The following TAOK1 variants were observed in gnomAD, a reference collection of about 807,000 sequenced individuals.
The protein encoded by TAOK1 is TAO kinase 1, also known as serine/threonine-protein kinase TAO1.
A neutral mutation model predicts 138.3 loss-of-function variants in TAOK1; 21 were observed. The observed-to-expected ratio is 0.15, with a 90% CI of 0.11 to 0.22. TAOK1 has a LOEUF of 0.22. TAOK1 is among the 10% of genes least tolerant of loss of function. The pLI is 1.00. For missense variants in TAOK1, 651 were observed against 1,227.7 expected (o/e 0.53, Z 7.02); for synonymous variants, 361 against 398.4 (o/e 0.91, Z 1.12).
Position 29,508,101 on chromosome 17 carries a change from T to C in TAOK1, c.1544T>C (p.Ile515Thr), listed in dbSNP as rs772905182. ...NNFAAEMEKLIKKHQAAMEKE... is the reference protein window; with the variant it reads ...NNFAAEMEKLTKKHQAAMEKE... ...TTTGCTGCAGAAATGGAGAAACTTA[T>C]CAAGAAACACCAGGCTGCCATGGAG... Residue 515 changes from isoleucine (I) to threonine (T), a missense_variant, in exon 14 of 20, where the codon ATC becomes ACC. By Grantham distance (89) the Ile-to-Thr change is moderately conservative. This residue lies in a region of TAOK1 where 258 missense variants were observed against 548.9 expected (regional missense o/e 0.47). Coordinates refer to ENST00000261716, the MANE Select transcript of TAOK1 (RefSeq NM_020791.4). 51 of 1,613,954 alleles carry C rather than the reference T, an allele frequency of 3.2e-5. No individual in the cohort carries two copies. The highest frequency in any genetic ancestry group is 4.1e-5 in the Non-Finnish European group (48 of 1,179,954).
chr17:29,422,859 T>C (rs1905497476), intron 1 of TAOK1, among the ~76,000 whole-genome samples: 1 of 152,104 alleles, frequency 6.6e-6, no homozygotes, highest in African/African-American at 2.4e-5. Context: ...CCCCCGTCTC[T>C]ACTAAACATG....
At chr17:29,484,585 T>A (rs1330941452) in intron 8 of TAOK1, among the ~76,000 whole-genome samples, 1 of 151,792 alleles carries the variant, frequency 6.6e-6, no homozygotes, top group African/African-American at 2.4e-5. Context: ...ATGATTTTCG[T>A]TTTTTTTCTT....
intron 1 of TAOK1, among the ~76,000 whole-genome samples, chr17:29,401,582 C>T (rs1904843435): frequency 6.6e-6 from 1 of 152,162 alleles, no homozygotes; most frequent in Non-Finnish European, 1.5e-5. Flanking sequence ...CAGGTCCCTC[C>T]CCCAACTTTG....
At chr17:29,411,874 ACCAAT>A (rs1201382215) in intron 1 of TAOK1, among the ~76,000 whole-genome samples, 4 of 152,192 alleles carry the variant, frequency 2.6e-5, no homozygotes, top group Admixed American at 6.6e-5. Context: ...TCCCTTAATA[ACCAAT>A]CCTCCATATC....
At chr17:29,395,824 ATTTTTTTTTTTT>A (rs1187461666) in intron 1 of TAOK1, among the ~76,000 whole-genome samples, 3 of 72,106 alleles carry the variant, frequency 4.2e-5, no homozygotes, top group African/African-American at 1.3e-4. Context: ...CGTCTGGCTA[ATTTTTTTTTTTT>A]TTTTTTTTTT....
Position 29,521,141 on chromosome 17 carries a change from CTG to C in TAOK1, c.1909-1137_1909-1136del, listed in dbSNP as rs1285949833. On this transcript the variant is annotated intron_variant, in intron 16 of 19. Transcript: ENST00000261716. ...ATATATTGTTGTTCAGTTTTTAAAA[CTG>C]TATGTTTTTGTAAAATAGACTAATC... 3.9e-5 allele frequency among the ~76,000 whole-genome samples: 6 copies of C among 152,164 alleles called. No individual in the cohort carries two copies. The East Asian group carries it at 5.8e-4, about 15-fold the overall frequency.
At chr17:29,508,212 A>T in intron 14 of TAOK1, 80 bp downstream of exon 14, 1 of 1,247,432 alleles carries the variant, frequency 8.0e-7, no homozygotes, top group South Asian at 1.2e-5. Context: ...GTTTGATGTT[A>T]GCGTATCTGT....
chr17:29,498,266 G>T, intron 11 of TAOK1, 52 bp from the exon 12 acceptor site: 1 of 1,585,082 alleles, frequency 6.3e-7, no homozygotes, highest in South Asian at 1.1e-5. Flanking sequence ...GAATTCAGAA[G>T]AGAGAGATAT....
chr17:29,548,374 A>T lies in TAOK1; in HGVS notation c.*5352A>T, dbSNP rs2032436087. ...TCACCATCACTGTTAACTGTTTCCC[A>T]GCAATCTAAACTTTTTGAAGTTTCA... On this transcript the variant is annotated 3_prime_UTR_variant, in exon 20 of 20. Coordinates refer to ENST00000261716, the MANE Select transcript of TAOK1 (RefSeq NM_020791.4). 6.6e-6 allele frequency: 1 copy of T among 152,156 alleles called. No individual in the cohort carries two copies. Among genetic ancestry groups the T allele is most frequent in the Admixed American group, 6.5e-5 (1 of 15,268 alleles). 9.4% of individuals were successfully genotyped at this position (152,156 alleles called of 1,614,324 possible). A position where few individuals can be genotyped will look rare whatever the true frequency, so the allele number is the denominator to read the frequency against.
At chr17:29,536,368 C>T (rs992748122) in intron 19 of TAOK1, among the ~76,000 whole-genome samples, 4 of 151,722 alleles carry the variant, frequency 2.6e-5, no homozygotes, top group African/African-American at 4.8e-5. Flanking sequence ...GAGGCCAAGG[C>T]GGGCGGATCA....
At chr17:29,414,871 G>A (rs1278361359) in intron 1 of TAOK1, among the ~76,000 whole-genome samples, 1 of 151,576 alleles carries the variant, frequency 6.6e-6, no homozygotes, top group Non-Finnish European at 1.5e-5. Context: ...CTTTATTTTT[G>A]TTTATGGCTG....
chr17:29,394,150 G>GTTTGTT (rs1904514396), intron 1 of TAOK1, among the ~76,000 whole-genome samples: 1 of 48,246 alleles, frequency 2.1e-5, no homozygotes, highest in Non-Finnish European at 3.6e-5. Context: ...TAATTTGCCA[G>GTTTGTT]TTTTTTTTTT....
intron 1 of TAOK1, among the ~76,000 whole-genome samples, chr17:29,424,499 C>CAAAT (rs1424199108): frequency 7.0e-6 from 1 of 143,840 alleles, no homozygotes; most frequent in Non-Finnish European, 1.5e-5. Flanking sequence ...GGAAAGAAGA[C>CAAAT]AAATACTGGG....
intron 17 of TAOK1, among the ~76,000 whole-genome samples, chr17:29,528,621 C>T (rs2032051656): frequency 6.6e-6 from 1 of 151,814 alleles, no homozygotes; most frequent in African/African-American, 2.4e-5. Context: ...GGGCGGTTTG[C>T]CTGAGGTCAG....
intron 19 of TAOK1, among the ~76,000 whole-genome samples, chr17:29,535,178 G>T (rs1467610656): frequency 6.6e-6 from 1 of 152,028 alleles, no homozygotes; most frequent in Non-Finnish European, 1.5e-5. Flanking sequence ...GAGTGTGGTG[G>T]CTCACTCCTG....
chr17:29,534,268 G>T lies in TAOK1; in HGVS notation c.2512G>T (p.Val838Phe). The T allele has an allele frequency of 6.2e-7, 1 of 1,609,980 alleles. No homozygotes were observed. The highest frequency in any genetic ancestry group is 8.5e-7 in the Non-Finnish European group (1 of 1,178,302). The part of the protein sequence containing the change: ...DRELRELEQR[V>F]SLRRALLEQK... The stretch of plus-strand genomic sequence containing the variant: ...AGAGCTTCGCGAGCTTGAACAGAGG[G>T]TCTCCCTCCGGAGGGCACTCTTAGA... Residue 838 changes from valine to phenylalanine, a missense_variant, in exon 19 of 20, where the codon GTC becomes TTC. Val to Phe is a conservative substitution (Grantham distance 50). Around this residue, in one of 8 missense-constraint regions of TAOK1, gnomAD observed 258 missense variants for 548.9 expected, o/e 0.47. Coordinates refer to ENST00000261716, the MANE Select transcript of TAOK1 (RefSeq NM_020791.4).
rs553642121 is a variant in TAOK1, at chr17:29,507,753, C to G, written c.1339-143C>G. On this transcript the variant is annotated intron_variant, in intron 13 of 19. Transcript: ENST00000261716. ...AGAACCAGTCAATTTCTTTAAAAGA[C>G]TTGTTGGAAATTTCCTTGGAATCTG... 5.4e-6 allele frequency: 4 copies of G among 736,720 alleles called. No homozygotes were observed. The African/African-American group carries it at 7.1e-5, about 13-fold the overall frequency. 45.6% of individuals were successfully genotyped at this position (736,720 alleles called of 1,614,324 possible). A position where few individuals can be genotyped will look rare whatever the true frequency, so the allele number is the denominator to read the frequency against.
intron 1 of TAOK1, among the ~76,000 whole-genome samples, chr17:29,432,368 C>A (rs1444711941): frequency 1.3e-5 from 2 of 152,208 alleles, no homozygotes; most frequent in African/African-American, 2.4e-5. Context: ...CCTGGGTGGG[C>A]CAGGTGTTCC....
At chr17:29,501,462 G>A (rs2031529394) in intron 12 of TAOK1, among the ~76,000 whole-genome samples, 1 of 151,068 alleles carries the variant, frequency 6.6e-6, no homozygotes, top group African/African-American at 2.4e-5. Flanking sequence ...CAATTAATTG[G>A]TTGCTACTTA....
Sources: allele counts gnomAD v4.1 joint callset (sites outside exome capture counted in the v4.1 genomes callset), GRCh38; gene constraint gnomAD v4.1.1; regional missense constraint gnomAD v4.1.1; transcripts MANE v1.5; gene names NCBI Gene and HGNC (gene_info 2026-07-23, HGNC 2026-07-21).